SLC35D4: variants seen among roughly 807,000 people sequenced by gnomAD.
SLC35D4 encodes the protein UDP-N-acetylglucosamine transporter SLC35D4.
At chr18:23,402,480 T>C in the SLC35D4 span, among the ~76,000 whole-genome samples, 1 of 152,194 alleles carries the variant, frequency 6.6e-6, no homozygotes, top group Non-Finnish European at 1.5e-5. Flanking sequence ...TATATGTCTT[T>C]AATTAAAATA....
At chr18:23,243,436 G>A in the SLC35D4 span, among the ~76,000 whole-genome samples, 6 of 151,498 alleles carry the variant, frequency 4.0e-5, no homozygotes, top group African/African-American at 7.3e-5. Flanking sequence ...GCTGTGTGGG[G>A]GAGGGAGGGT....
the SLC35D4 span, among the ~76,000 whole-genome samples, chr18:23,379,598 G>A: frequency 0.046 from 6,998 of 152,252 alleles, 482 homozygotes; most frequent in Admixed American, 0.18. Context: ...ATGGAGGGGA[G>A]TAAAAGAGCA....
chr18:23,375,910 T>A, the SLC35D4 span, among the ~76,000 whole-genome samples: 1 of 152,236 alleles, frequency 6.6e-6, no homozygotes. Context: ...GAGTTTCATA[T>A]GCCAAAAGCT....
the SLC35D4 span, among the ~76,000 whole-genome samples, chr18:23,311,396 CTTTTT>C: frequency 1.4e-5 from 2 of 146,602 alleles, no homozygotes; most frequent in Non-Finnish European, 3.0e-5. Flanking sequence ...CCTGGCCCTT[CTTTTT>C]TTTTTTTTTA....
the SLC35D4 span, among the ~76,000 whole-genome samples, chr18:23,300,179 T>C: frequency 6.6e-6 from 1 of 152,270 alleles, no homozygotes; most frequent in Admixed American, 6.5e-5. Context: ...AAGACATGAC[T>C]GTGAAAGGGA....
chr18:23,366,299 GC>G, the SLC35D4 span, among the ~76,000 whole-genome samples: 2 of 152,132 alleles, frequency 1.3e-5, no homozygotes. Flanking sequence ...GTCCCGCAGT[GC>G]CCCTCTACAG....
the SLC35D4 span, among the ~76,000 whole-genome samples, chr18:23,247,775 C>A: frequency 6.6e-6 from 1 of 152,246 alleles, no homozygotes; most frequent in Non-Finnish European, 1.5e-5. Flanking sequence ...GAGAGCACAG[C>A]AGACAGGAGG....
chr18:23,414,401 G>A, the SLC35D4 span, among the ~76,000 whole-genome samples: 4 of 151,580 alleles, frequency 2.6e-5, no homozygotes, highest in Non-Finnish European at 5.9e-5. Flanking sequence ...GGCAGGGCAC[G>A]GTGGCTCATG....
At chr18:23,354,987 C>T in the SLC35D4 span, among the ~76,000 whole-genome samples, 6 of 152,274 alleles carry the variant, frequency 3.9e-5, no homozygotes, top group African/African-American at 1.4e-4. Flanking sequence ...ATAGGAGACT[C>T]CCTGTTAATG....
At chr18:23,263,563 G>A in the SLC35D4 span, among the ~76,000 whole-genome samples, 8 of 152,330 alleles carry the variant, frequency 5.3e-5, no homozygotes, top group African/African-American at 9.6e-5. Flanking sequence ...CAGTGTTCAC[G>A]TCCACCAACA....
chr18:23,285,510 G>A, the SLC35D4 span, among the ~76,000 whole-genome samples: 17 of 152,088 alleles, frequency 1.1e-4, no homozygotes, highest in East Asian at 2.3e-3. Flanking sequence ...AATTCTTGTC[G>A]TAAAATGGGC....
the SLC35D4 span, among the ~76,000 whole-genome samples, chr18:23,274,185 T>C: frequency 6.6e-6 from 1 of 152,218 alleles, no homozygotes; most frequent in Admixed American, 6.5e-5. Context: ...ACCCTCCTGC[T>C]TCAGCCTCCT....
the SLC35D4 span, among the ~76,000 whole-genome samples, chr18:23,312,219 T>G: frequency 6.6e-6 from 1 of 152,164 alleles, no homozygotes; most frequent in Non-Finnish European, 1.5e-5. Context: ...AGCCTGGGAT[T>G]TGTGCCTCTG....
the SLC35D4 span, among the ~76,000 whole-genome samples, chr18:23,369,690 A>G: frequency 6.6e-6 from 1 of 152,172 alleles, no homozygotes; most frequent in Non-Finnish European, 1.5e-5. Flanking sequence ...CACATGGCTA[A>G]AGGCAGACAT....
the SLC35D4 span, among the ~76,000 whole-genome samples, chr18:23,243,872 CA>C: frequency 0.5 from 54,473 of 109,898 alleles, 13,675 homozygotes; most frequent in African/African-American, 0.74. Flanking sequence ...GACTCCGTTT[CA>C]AAAAAAAAAA....
chr18:23,276,868 G>A, the SLC35D4 span, among the ~76,000 whole-genome samples: 6 of 152,138 alleles, frequency 3.9e-5, no homozygotes, highest in East Asian at 1.9e-4. Flanking sequence ...GGAGCCACAC[G>A]ACATGCACTC....
At chr18:23,326,937 C>G in the SLC35D4 span, among the ~76,000 whole-genome samples, 1 of 152,284 alleles carries the variant, frequency 6.6e-6, no homozygotes, top group South Asian at 2.1e-4. Flanking sequence ...ACAACTTGCT[C>G]CTGAATGACT....
chr18:23,378,647 C>T, the SLC35D4 span, among the ~76,000 whole-genome samples: 1 of 152,140 alleles, frequency 6.6e-6, no homozygotes, highest in South Asian at 2.1e-4. Context: ...CAGAGAGTAA[C>T]ATGTTAGCAG....
chr18:23,337,470 G>A, the SLC35D4 span, among the ~76,000 whole-genome samples: 3 of 147,528 alleles, frequency 2.0e-5, no homozygotes, highest in Admixed American at 6.8e-5. Context: ...GCAAGACTCC[G>A]TCTCAAAAAA....
Sources: allele counts gnomAD v4.1 joint callset (sites outside exome capture counted in the v4.1 genomes callset), GRCh38; gene constraint gnomAD v4.1.1; transcripts MANE v1.5; gene names NCBI Gene and HGNC (gene_info 2026-07-23, HGNC 2026-07-21).